The following ATAD2B variants were observed in gnomAD, a reference collection of about 807,000 sequenced individuals.
The protein encoded by ATAD2B is ATPase family AAA domain-containing protein 2B.
Under a neutral mutation model 167.6 loss-of-function variants are expected in ATAD2B, and 40 were observed. That is an observed-to-expected ratio of 0.24 (90% CI 0.19 to 0.31). The LOEUF (loss-of-function observed/expected upper bound fraction) is 0.31, where lower values mean the gene tolerates loss of function less well. Ranked by LOEUF, ATAD2B falls within the 10% of genes least tolerant of loss-of-function variation. ATAD2B has a pLI of 1.00. For missense variants in ATAD2B, 1,242 were observed against 1,757.2 expected, an observed-to-expected ratio of 0.71 and a Z score of 5.24; for synonymous variants, 579 against 596.5, an observed-to-expected ratio of 0.97 and a Z score of 0.43.
chr2:23,806,363 T>C (rs1243884992), intron 18 of ATAD2B: 1 of 152,202 alleles, frequency 6.6e-6, no homozygotes, highest in Non-Finnish European at 1.5e-5. Flanking sequence ...TCATCGCCAT[T>C]GTGGTCATAA....
intron 8 of ATAD2B, chr2:23,872,120 C>A: frequency 3.9e-6 from 1 of 253,562 alleles, no homozygotes; most frequent in Non-Finnish European, 7.8e-6. Context: ...TCATGATTCG[C>A]CCATCTCGGC....
At chr2:23,865,244 A>G (rs1468546219) in intron 10 of ATAD2B, among the ~76,000 whole-genome samples, 1 of 152,028 alleles carries the variant, frequency 6.6e-6, no homozygotes, top group Non-Finnish European at 1.5e-5. Context: ...CCAAGTTTTA[A>G]TGGGCCTGGC....
intron 17 of ATAD2B, among the ~76,000 whole-genome samples, chr2:23,815,977 T>G (rs1686376622): frequency 6.6e-6 from 1 of 152,200 alleles, no homozygotes; most frequent in Non-Finnish European, 1.5e-5. Flanking sequence ...TTACCCTATT[T>G]TGTTCACTGA....
chr2:23,927,091 GCGT>G lies in ATAD2B; in HGVS notation c.-324_-322del, dbSNP rs1705011041. ...TCCCGTTCTCGCTCTCGAGCTCCGT[GCGT>G]CAAGGCTCCAGCGCCGCAGGGCCAA... On this transcript the variant is annotated 5_prime_UTR_variant, in exon 1 of 28. Transcript: ENST00000238789. 1 of 279,580 alleles carries G rather than the reference GCGT, an allele frequency of 3.6e-6. No homozygotes were observed. Among genetic ancestry groups the G allele is most frequent in the Non-Finnish European group, 6.7e-6 (1 of 149,142 alleles). The allele number at this position is 279,580 out of a possible 1,614,324, so 17.3% of individuals were successfully genotyped here. A position where few individuals can be genotyped will look rare whatever the true frequency, so the allele number is the denominator to read the frequency against.
chr2:23,730,553 C>A, the ATAD2B span, among the ~76,000 whole-genome samples: 3 of 147,154 alleles, frequency 2.0e-5, no homozygotes, highest in Admixed American at 2.1e-4. Context: ...GTAGTCCCAG[C>A]TACTCAGGAG....
At chr2:23,919,916 C>T (rs540896693) in intron 1 of ATAD2B, among the ~76,000 whole-genome samples, 1 of 151,552 alleles carries the variant, frequency 6.6e-6, no homozygotes, top group Non-Finnish European at 1.5e-5. Flanking sequence ...TTTCGGAGGC[C>T]GAGGCAGGCA....
chr2:23,766,021 A>T (rs1200395815), intron 22 of ATAD2B, among the ~76,000 whole-genome samples: 1 of 152,234 alleles, frequency 6.6e-6, no homozygotes, highest in Non-Finnish European at 1.5e-5. Context: ...ATTCAAAAAA[A>T]TCTTAAATTT....
intron 13 of ATAD2B, among the ~76,000 whole-genome samples, chr2:23,843,475 CA>C (rs1333832990): frequency 6.6e-6 from 1 of 152,174 alleles, no homozygotes; most frequent in Non-Finnish European, 1.5e-5. Flanking sequence ...GTGGGAACAA[CA>C]ATCTAATTAA....
At chr2:23,786,385 G>T (rs1021324415) in intron 20 of ATAD2B, among the ~76,000 whole-genome samples, 162 bp from the exon 21 acceptor site, 2 of 152,064 alleles carry the variant, frequency 1.3e-5, no homozygotes, top group East Asian at 3.9e-4. Context: ...AGGCAATTTT[G>T]TCATTGTGTG....
intron 13 of ATAD2B, among the ~76,000 whole-genome samples, chr2:23,835,071 T>C (rs1215984360): frequency 1.3e-5 from 2 of 152,162 alleles, no homozygotes; most frequent in Admixed American, 1.3e-4. Flanking sequence ...GATGAGGATG[T>C]AGAGAAGCTG....
intron 1 of ATAD2B, among the ~76,000 whole-genome samples, chr2:23,912,360 A>T (rs1250144346): frequency 6.6e-6 from 1 of 152,072 alleles, no homozygotes; most frequent in Non-Finnish European, 1.5e-5. Flanking sequence ...TTTTCTAATT[A>T]CCCAGGCCTG....
chr2:23,840,461 C>T (rs920862863), intron 13 of ATAD2B, among the ~76,000 whole-genome samples: 4 of 151,986 alleles, frequency 2.6e-5, no homozygotes, highest in African/African-American at 7.3e-5. Flanking sequence ...CTTTGTTTTC[C>T]GTTCACATAT....
the ATAD2B span, among the ~76,000 whole-genome samples, chr2:23,726,781 T>A: frequency 1.3e-5 from 2 of 152,206 alleles, no homozygotes; most frequent in African/African-American, 4.8e-5. Flanking sequence ...TGAGTCCACT[T>A]ATATGAAGGC....
At chr2:23,820,978 C>T (rs1219726126) in intron 16 of ATAD2B, among the ~76,000 whole-genome samples, 1 of 151,936 alleles carries the variant, frequency 6.6e-6, no homozygotes, top group Non-Finnish European at 1.5e-5. Context: ...ATATTTAGTA[C>T]AAGTCATAGT....
At chr2:23,840,290 T>TA (rs1005719587) in intron 13 of ATAD2B, among the ~76,000 whole-genome samples, 2 of 152,158 alleles carry the variant, frequency 1.3e-5, no homozygotes, top group African/African-American at 2.4e-5. Context: ...CTTTGATGTC[T>TA]AAAAAAACCA....
At chr2:23,786,706 C>T (rs922024146) in intron 20 of ATAD2B, among the ~76,000 whole-genome samples, 3 of 151,888 alleles carry the variant, frequency 2.0e-5, no homozygotes, top group Admixed American at 2.0e-4. Context: ...TGCACAGAAA[C>T]AAAAAGGGAA....
intron 12 of ATAD2B, among the ~76,000 whole-genome samples, chr2:23,859,005 C>T (rs1404644931): frequency 6.6e-6 from 1 of 152,056 alleles, no homozygotes; most frequent in Non-Finnish European, 1.5e-5. Context: ...GCTCAAAAGG[C>T]ATGTGTCATT....
intron 17 of ATAD2B, among the ~76,000 whole-genome samples, chr2:23,814,139 C>T (rs568469079): frequency 9.2e-4 from 140 of 152,070 alleles, no homozygotes; most frequent in African/African-American, 3.3e-3. Context: ...AAGAATTTGT[C>T]ATAAACAGGA....
At chr2:23,909,848 TG>T (rs1236151752) in intron 1 of ATAD2B, among the ~76,000 whole-genome samples, 1 of 151,956 alleles carries the variant, frequency 6.6e-6, no homozygotes, top group African/African-American at 2.4e-5. Context: ...AAGTTTGGGT[TG>T]TTTTTTTTTG....
Sources: allele counts gnomAD v4.1 joint callset (sites outside exome capture counted in the v4.1 genomes callset), GRCh38; gene constraint gnomAD v4.1.1; transcripts MANE v1.5; gene names NCBI Gene and HGNC (gene_info 2026-07-23, HGNC 2026-07-21).